Variants in RPTOR observed in about 807,000 individuals in gnomAD.
RPTOR encodes the protein regulatory associated protein of MTOR complex 1, also known as regulatory-associated protein of mTOR.
In RPTOR, 21 loss-of-function variants were observed where a neutral mutation model predicts 169.9. The observed-to-expected ratio is 0.12, with a 90% CI of 0.09 to 0.18. The LOEUF (loss-of-function observed/expected upper bound fraction) is 0.18. Among genes scored for constraint, RPTOR ranks in the 10% least tolerant of loss-of-function variants. RPTOR has a pLI of 1.00. For missense variants in RPTOR, 1,133 were observed against 1,855.9 expected (o/e 0.61, Z 7.16); for synonymous variants, 732 against 753.2 (o/e 0.97, Z 0.46).
At chr17:80,950,237 G>T (rs1194167553) in intron 28 of RPTOR, among the ~76,000 whole-genome samples, 2 of 152,234 alleles carry the variant, frequency 1.3e-5, no homozygotes, top group African/African-American at 4.8e-5. Context: ...CCTTGGCGAT[G>T]CTCAGAGTGA....
intron 9 of RPTOR, among the ~76,000 whole-genome samples, chr17:80,836,393 G>A (rs2067564682): frequency 6.6e-6 from 1 of 152,250 alleles, no homozygotes; most frequent in Admixed American, 6.5e-5. Flanking sequence ...AAGAAGTTGG[G>A]TACGGCTGGA....
At chr17:80,932,276 CAA>C (rs2068907559) in intron 24 of RPTOR, among the ~76,000 whole-genome samples, 1 of 151,974 alleles carries the variant, frequency 6.6e-6, no homozygotes, top group South Asian at 2.1e-4. Context: ...AAGGCCAAGA[CAA>C]GAGGATCACT....
intron 7 of RPTOR, among the ~76,000 whole-genome samples, chr17:80,814,560 C>T (rs898883172): frequency 1.3e-5 from 2 of 152,052 alleles, no homozygotes; most frequent in African/African-American, 2.4e-5. Context: ...TCTTGGAAAC[C>T]GTAGTTTTTC....
chr17:80,700,793 GTGGTGATGA>G (rs1567864837), intron 3 of RPTOR, among the ~76,000 whole-genome samples: 8 of 141,388 alleles, frequency 5.7e-5, no homozygotes, highest in Non-Finnish European at 9.4e-5. Context: ...GATGGTGGTG[GTGGTGATGA>G]TGATGGTGGT....
At chr17:80,752,980 C>A (rs1211102778) in intron 5 of RPTOR, among the ~76,000 whole-genome samples, 1 of 151,886 alleles carries the variant, frequency 6.6e-6, no homozygotes, top group Non-Finnish European at 1.5e-5. Context: ...TTTTACGTGA[C>A]AAGTCTCATT....
chr17:80,846,328 C>T lies in RPTOR; in HGVS notation c.1213-145C>T, dbSNP rs147605722. 583 of 739,896 alleles carry T rather than the reference C, an allele frequency of 7.9e-4. 2 individuals carry two copies. The African/African-American group carries it at 8.6e-3, about 11-fold the overall frequency. The allele number at this position is 739,896 out of a possible 1,614,324, so 45.8% of individuals were successfully genotyped here. A position where few individuals can be genotyped will look rare whatever the true frequency, so the allele number is the denominator to read the frequency against. Reference sequence around the variant, plus strand: ...CCCTCTTTGGCATGCCCAGAGCGCCCGCTTCTCAGCCGCCTGGCATCCTCG... The same window carrying T: ...CCCTCTTTGGCATGCCCAGAGCGCCTGCTTCTCAGCCGCCTGGCATCCTCG... On this transcript the variant is annotated intron_variant, in intron 10 of 33. Transcript: ENST00000306801.
In RPTOR at chr17:80,562,766, G is replaced by C. The variant is rs1397761660; in HGVS notation, c.162+16975G>C. On this transcript the variant is annotated intron_variant, in intron 1 of 33. Transcript: ENST00000306801. This position sits in a 1 kb window ranked among gnomAD's most constrained non-coding sequence, Gnocchi z 4.4. ...GCCACTGCACCCCATCCTGGCAACA[G>C]AGCAAGACTCTTGTCTCAAAACAAA... 6.6e-6 allele frequency among the ~76,000 whole-genome samples: 1 copy of C among 151,990 alleles called. No homozygotes were observed. Among genetic ancestry groups the C allele is most frequent in the Non-Finnish European group, 1.5e-5 (1 of 68,002 alleles).
At chr17:80,840,716 ACACGGCAGCTCACTCTCACCG>A (rs2067630293) in intron 10 of RPTOR, among the ~76,000 whole-genome samples, 4 of 50,940 alleles carry the variant, frequency 7.9e-5, no homozygotes, top group African/African-American at 1.6e-4. Context: ...AGCTCACACC[ACACGGCAGCTCACTCTCACCG>A]CACGGCAGCT....
At chr17:80,670,227 T>C (rs2065811421) in intron 3 of RPTOR, among the ~76,000 whole-genome samples, 1 of 152,224 alleles carries the variant, frequency 6.6e-6, no homozygotes, top group Non-Finnish European at 1.5e-5. Flanking sequence ...CCGACCATAA[T>C]ACAGAGAACA....
At chr17:80,884,884 C>G in intron 16 of RPTOR, 124 bp from the exon 17 acceptor site, 1 of 1,291,776 alleles carries the variant, frequency 7.7e-7, no homozygotes, top group Non-Finnish European at 1.1e-6. Context: ...GAGCCTTGGG[C>G]CTGGAGAGCT....
chr17:80,955,183 T>C (rs1321539798), intron 28 of RPTOR, among the ~76,000 whole-genome samples: 1 of 152,210 alleles, frequency 6.6e-6, no homozygotes, highest in Non-Finnish European at 1.5e-5. Flanking sequence ...TTTTATAAAA[T>C]GCAGACCAGC....
intron 1 of RPTOR, among the ~76,000 whole-genome samples, chr17:80,553,647 A>C (rs1377127722): frequency 6.6e-6 from 1 of 152,222 alleles, no homozygotes; most frequent in Admixed American, 6.5e-5. Flanking sequence ...AATCCATGAT[A>C]TTATAAAATC....
chr17:80,662,043 G>T (rs1379677939), intron 3 of RPTOR, among the ~76,000 whole-genome samples: 1 of 152,108 alleles, frequency 6.6e-6, no homozygotes, highest in Non-Finnish European at 1.5e-5. Flanking sequence ...TTTTCCAGGC[G>T]ATTTTTAGAT....
chr17:80,547,185 G>A (rs955149061), intron 1 of RPTOR, among the ~76,000 whole-genome samples: 21 of 152,096 alleles, frequency 1.4e-4, no homozygotes, highest in African/African-American at 4.8e-4. Context: ...TCATCCAAAA[G>A]CATTTTAAGG....
chr17:80,939,108 TCTTAC>T (rs1199700376), intron 24 of RPTOR, among the ~76,000 whole-genome samples: 6 of 152,232 alleles, frequency 3.9e-5, no homozygotes, highest in Non-Finnish European at 5.9e-5. Context: ...GAATTAGGGT[TCTTAC>T]CTTGTTTATT....
intron 25 of RPTOR, among the ~76,000 whole-genome samples, chr17:80,942,762 T>G (rs1351871750): frequency 6.6e-6 from 1 of 152,262 alleles, no homozygotes; most frequent in African/African-American, 2.4e-5. Context: ...GAAAGCCCTG[T>G]GTCACGCAGG....
intron 10 of RPTOR, 58 bp downstream of exon 10, chr17:80,838,055 C>A: frequency 1.4e-6 from 2 of 1,451,230 alleles, no homozygotes; most frequent in Non-Finnish European, 1.9e-6. Flanking sequence ...CTCTGGGCAC[C>A]TGGACTGCAA....
intron 1 of RPTOR, among the ~76,000 whole-genome samples, chr17:80,560,694 T>TG (rs1487169964): frequency 6.6e-6 from 1 of 152,178 alleles, no homozygotes; most frequent in Non-Finnish European, 1.5e-5. Flanking sequence ...TCCCTTGTGC[T>TG]GTGGGAGCCG....
intron 5 of RPTOR, 55 bp from the exon 6 acceptor site, chr17:80,753,955 G>T (rs2143334124): frequency 6.9e-7 from 1 of 1,457,182 alleles, no homozygotes; most frequent in Non-Finnish European, 9.5e-7. Context: ...CTTACTATTT[G>T]GTTGTGACCA....
Sources: allele counts gnomAD v4.1 joint callset (sites outside exome capture counted in the v4.1 genomes callset), GRCh38; gene constraint gnomAD v4.1.1; non-coding constraint Gnocchi (gnomAD v3.1); transcripts MANE v1.5; gene names NCBI Gene and HGNC (gene_info 2026-07-23, HGNC 2026-07-21).